RBFOX1: variants seen among roughly 807,000 people sequenced by gnomAD.
The protein encoded by RBFOX1 is RNA binding protein fox-1 homolog 1.
RBFOX1 carries 8 observed loss-of-function variants against 57.7 expected under a neutral mutation model. The ratio of observed to expected loss-of-function variants is 0.14; its 90% confidence interval spans 0.08 to 0.25. The LOEUF (loss-of-function observed/expected upper bound fraction) is 0.25, where lower values mean the gene tolerates loss of function less well. RBFOX1 is among the 10% of genes least tolerant of loss of function. RBFOX1 has a pLI of 1.00. For synonymous variants in RBFOX1, 326 were observed against 222.4 expected (o/e 1.47, Z -4.15); for missense variants, 611 against 548.5 (o/e 1.11, Z -1.14).
intron 4 of RBFOX1, among the ~76,000 whole-genome samples, chr16:7,508,500 T>C (rs2074087952): frequency 6.6e-6 from 1 of 152,106 alleles, no homozygotes; most frequent in African/African-American, 2.4e-5. Context: ...TTGTCCTCTG[T>C]GTTTATGTGG....
rs12443865 is a variant in RBFOX1 at position 7,379,520 on chromosome 16, A to G, written c.28-138627A>G. On this transcript the variant is annotated intron_variant, in intron 4 of 15. Transcript: ENST00000550418. ...TAATTTACTAAAAAATTTAAAATAC[A>G]CTGGAGTTTTAGTACTTTCTGCTGT... 1.9e-3 allele frequency among the ~76,000 whole-genome samples: 282 copies of G among 152,308 alleles called. 4 individuals carry two copies. The South Asian group carries it at 0.019, about 11-fold the overall frequency.
At chr16:7,113,988 CT>C (rs2065335811) in intron 4 of RBFOX1, among the ~76,000 whole-genome samples, 1 of 152,060 alleles carries the variant, frequency 6.6e-6, no homozygotes, top group South Asian at 2.1e-4. Context: ...ATCGTGAGTG[CT>C]TAGTGAATTT....
At chr16:6,272,953 T>C (rs1456992169) in intron 1 of RBFOX1, among the ~76,000 whole-genome samples, 1 of 152,100 alleles carries the variant, frequency 6.6e-6, no homozygotes, top group Non-Finnish European at 1.5e-5. Context: ...CATAAAACTA[T>C]AAAACATTTA....
chr16:6,514,980 A>T (rs951700097), intron 2 of RBFOX1, among the ~76,000 whole-genome samples: 2 of 152,126 alleles, frequency 1.3e-5, no homozygotes, highest in South Asian at 2.1e-4. Context: ...AAACAAGAAC[A>T]AAAACAACCA....
chr16:6,484,937 A>G (rs1027720236), intron 2 of RBFOX1, among the ~76,000 whole-genome samples: 3 of 152,168 alleles, frequency 2.0e-5, no homozygotes, highest in African/African-American at 7.2e-5. Flanking sequence ...TCTCTTTAGT[A>G]GGGTAGCTGG....
chr16:7,398,462 C>T lies in RBFOX1; in HGVS notation c.28-119685C>T, dbSNP rs749949248. Among the ~76,000 whole-genome samples the T allele has an allele frequency of 1.2e-4, 19 of 152,136 alleles. 1 individual carries two copies. Among genetic ancestry groups the T allele is most frequent in the Non-Finnish European group, 2.2e-4 (15 of 68,042 alleles). On this transcript the variant is annotated intron_variant, in intron 4 of 15. Coordinates refer to ENST00000550418, the MANE Select transcript of RBFOX1 (RefSeq NM_018723.4). ...TATGGTGGCTATGATTATTGCTATT[C>T]TTATATTAACTTGGTGATAGGCATC...
intron 4 of RBFOX1, among the ~76,000 whole-genome samples, chr16:7,279,334 C>T (rs1026535927): frequency 6.6e-6 from 1 of 152,154 alleles, no homozygotes; most frequent in Non-Finnish European, 1.5e-5. Context: ...GTCTTGTTTT[C>T]AGTTAATGAT....
At chr16:6,704,881 T>G (rs904605744) in intron 3 of RBFOX1, 1 of 152,224 alleles carries the variant, frequency 6.6e-6, no homozygotes, top group African/African-American at 2.4e-5. Flanking sequence ...TGCTTCAGTT[T>G]CTTGCTCTTT....
In RBFOX1 at chr16:6,784,542, G is replaced by C. The variant is rs367791700; in HGVS notation, c.-16+129892G>C. Among the ~76,000 whole-genome samples the C allele has an allele frequency of 2.6e-5, 4 of 152,180 alleles. No individual in the cohort carries two copies. The East Asian group carries it at 7.7e-4, about 29-fold the overall frequency. On this transcript the variant is annotated intron_variant, in intron 3 of 15. Coordinates refer to ENST00000550418, the MANE Select transcript of RBFOX1 (RefSeq NM_018723.4). The stretch of plus-strand genomic sequence containing the variant: ...TCTATGTTATCTCCAAGTTTGTTGA[G>C]TTTTCTCAAGACAACCATTTTGAAT...
At chr16:6,165,730 G>GT (rs2096912346) in intron 1 of RBFOX1, among the ~76,000 whole-genome samples, 1 of 152,208 alleles carries the variant, frequency 6.6e-6, no homozygotes, top group Non-Finnish European at 1.5e-5. Flanking sequence ...TGGCTACAGC[G>GT]TAATGCTCTC....
chr16:7,021,924 T>C (rs2039286509), intron 3 of RBFOX1, among the ~76,000 whole-genome samples: 1 of 150,248 alleles, frequency 6.7e-6, no homozygotes, highest in African/African-American at 2.4e-5. Flanking sequence ...TTTCTTTCTT[T>C]CTTTATTTTC....
intron 2 of RBFOX1, among the ~76,000 whole-genome samples, chr16:6,615,071 A>C (rs919763171): frequency 9.9e-5 from 15 of 152,216 alleles, no homozygotes; most frequent in Admixed American, 2.6e-4. Context: ...GACGAGGGCC[A>C]TGTGGATGGT....
intron 3 of RBFOX1, among the ~76,000 whole-genome samples, chr16:5,626,943 G>A (rs2048366417): frequency 1.3e-5 from 2 of 152,040 alleles, no homozygotes; most frequent in African/African-American, 4.8e-5. Context: ...TGTTGGGATT[G>A]AAAGCCCCAG....
At chr16:6,669,832 C>T (rs971795063) in intron 3 of RBFOX1, among the ~76,000 whole-genome samples, 2 of 152,162 alleles carry the variant, frequency 1.3e-5, no homozygotes, top group African/African-American at 4.8e-5. Context: ...AGCAAATGCT[C>T]ACCATGAGCC....
chr16:6,667,089 T>C (rs1022770428), intron 3 of RBFOX1, among the ~76,000 whole-genome samples: 1 of 152,136 alleles, frequency 6.6e-6, no homozygotes, highest in African/African-American at 2.4e-5. Context: ...CATTTATTTT[T>C]GGGAAATTTG....
chr16:6,238,090 C>CAAAAA (rs368995420), intron 1 of RBFOX1, among the ~76,000 whole-genome samples: 11 of 65,226 alleles, frequency 1.7e-4, no homozygotes, highest in South Asian at 4.9e-4. Flanking sequence ...GACTCTGTCT[C>CAAAAA]AAAAAAAAAA....
At chr16:6,475,960 G>A (rs538576454) in intron 2 of RBFOX1, among the ~76,000 whole-genome samples, 133 of 152,232 alleles carry the variant, frequency 8.7e-4, no homozygotes, top group Non-Finnish European at 1.5e-3. Flanking sequence ...CTATGAAGAA[G>A]CAATTAGATG....
At chr16:6,006,899 T>G (rs1204834875) in intron 4 of RBFOX1, among the ~76,000 whole-genome samples, 2 of 152,330 alleles carry the variant, frequency 1.3e-5, no homozygotes, top group East Asian at 1.9e-4. Flanking sequence ...TTTTGTCACA[T>G]GGGTCCGCCT....
At chr16:7,568,882 CAAAAAAAAAA>C (rs34858992) in intron 5 of RBFOX1, among the ~76,000 whole-genome samples, 3 of 77,534 alleles carry the variant, frequency 3.9e-5, no homozygotes, top group South Asian at 1.2e-3. Context: ...GACTCTGTCT[CAAAAAAAAAA>C]AAAAAAAAAA....
Sources: allele counts gnomAD v4.1 joint callset (sites outside exome capture counted in the v4.1 genomes callset), GRCh38; gene constraint gnomAD v4.1.1; transcripts MANE v1.5; gene names NCBI Gene and HGNC (gene_info 2026-07-23, HGNC 2026-07-21).